The following LRPPRC variants were observed in gnomAD, a reference collection of about 807,000 sequenced individuals.
The protein encoded by LRPPRC is leucine-rich PPR motif-containing protein, mitochondrial.
Under a neutral mutation model 180.3 loss-of-function variants are expected in LRPPRC, and 120 were observed. That is an observed-to-expected ratio of 0.67 (90% CI 0.57 to 0.77). The LOEUF (loss-of-function observed/expected upper bound fraction) is 0.77, where lower values mean the gene tolerates loss of function less well. LRPPRC is among the 30% of genes least tolerant of loss of function. The pLI is 0.00. For synonymous variants in LRPPRC, 723 were observed against 600.0 expected (o/e 1.21, Z -3.00); for missense variants, 2,012 against 1,657.2 (o/e 1.21, Z -3.72).
chr2:43,915,216 TCTCTCTCTCTCTCTCTCACA>T (rs1286478567), intron 29 of LRPPRC, among the ~76,000 whole-genome samples: 1 of 102,530 alleles, frequency 9.8e-6, no homozygotes, highest in East Asian at 3.5e-4. Flanking sequence ...TCTCTCTCTC[TCTCTCTCTCTCTCTCTCACA>T]CACACACACA....
At chr2:43,977,737 T>G (rs1320152931) in intron 3 of LRPPRC, among the ~76,000 whole-genome samples, 1 of 152,186 alleles carries the variant, frequency 6.6e-6, no homozygotes, top group Non-Finnish European at 1.5e-5. Context: ...CATTTTCAGC[T>G]GATGAACATG....
intron 14 of LRPPRC, among the ~76,000 whole-genome samples, chr2:43,953,357 T>C (rs547343588): frequency 6.6e-6 from 1 of 152,188 alleles, no homozygotes; most frequent in Non-Finnish European, 1.5e-5. Context: ...ATAAGAAAAA[T>C]TAACCAATGG....
chr2:43,961,884 C>T (rs1673361542), intron 12 of LRPPRC, among the ~76,000 whole-genome samples: 1 of 152,012 alleles, frequency 6.6e-6, no homozygotes, highest in African/African-American at 2.4e-5. Context: ...TCGCTTGAAC[C>T]GGTAGGCAGA....
intron 11 of LRPPRC, among the ~76,000 whole-genome samples, chr2:43,968,275 C>T (rs1380446757): frequency 6.6e-6 from 1 of 152,304 alleles, no homozygotes; most frequent in Non-Finnish European, 1.5e-5. Flanking sequence ...TACACATATT[C>T]CTTTGCTAAA....
At chr2:43,915,510 C>A (rs1203130020) in intron 29 of LRPPRC, among the ~76,000 whole-genome samples, 1 of 151,680 alleles carries the variant, frequency 6.6e-6, no homozygotes, top group Non-Finnish European at 1.5e-5. Flanking sequence ...ATGGGGAAAC[C>A]CTGTCTCTAC....
chr2:43,912,377 T>C (rs980013533), intron 30 of LRPPRC, 55 bp downstream of exon 30: 2 of 1,503,478 alleles, frequency 1.3e-6, no homozygotes, highest in East Asian at 4.5e-5. Context: ...TATTGGCTAA[T>C]GGCAGCCAAT....
rs752173897 is a variant in LRPPRC at position 43,886,319 on chromosome 2, T to C, written c.*2281A>G. On this transcript the variant is annotated 3_prime_UTR_variant, in exon 38 of 38. Coordinates refer to ENST00000260665, the MANE Select transcript of LRPPRC (RefSeq NM_133259.4). ...AATTATATATAAAATACTATAGTTC[T>C]CAATAGTTTACAGTGACATCTTTTT... Among the ~76,000 whole-genome samples the C allele has an allele frequency of 1.3e-5, 2 of 152,218 alleles. No individual in the cohort carries two copies. The highest frequency in any genetic ancestry group is 2.9e-5 in the Non-Finnish European group (2 of 68,048).
intron 11 of LRPPRC, among the ~76,000 whole-genome samples, chr2:43,969,156 T>C (rs1406264214): frequency 6.6e-6 from 1 of 152,214 alleles, no homozygotes; most frequent in Non-Finnish European, 1.5e-5. Flanking sequence ...CTCACGCCTG[T>C]AATCCCAGCA....
At chr2:43,893,617 G>A (rs1188596305) in intron 36 of LRPPRC, among the ~76,000 whole-genome samples, 4 of 152,098 alleles carry the variant, frequency 2.6e-5, no homozygotes, top group African/African-American at 9.7e-5. Context: ...CTACACTATG[G>A]TGTAAACATA....
At chr2:43,912,351 A>C in intron 30 of LRPPRC, 81 bp downstream of exon 30, 1 of 1,277,048 alleles carries the variant, frequency 7.8e-7, no homozygotes, top group South Asian at 1.2e-5. Flanking sequence ...ACTACACAGC[A>C]CATTACTATT....
rs1014980034 is a variant in LRPPRC at position 43,901,251 on chromosome 2, A to C, written c.3569+69T>G. On this transcript the variant is annotated intron_variant, in intron 32 of 37. Coordinates refer to ENST00000260665, the MANE Select transcript of LRPPRC (RefSeq NM_133259.4). Reference sequence around the variant, plus strand: ...TTCCACATGTCTAAAAAAGTTTTTAAAAGGTGGTATCTGAGGCAATGCCCA... The same window carrying C: ...TTCCACATGTCTAAAAAAGTTTTTACAAGGTGGTATCTGAGGCAATGCCCA... 65 of 1,301,980 alleles carry C rather than the reference A, an allele frequency of 5.0e-5. No individual in the cohort carries two copies. The African/African-American group carries it at 6.7e-4, about 13-fold the overall frequency. The allele number at this position is 1,301,980 out of a possible 1,614,324, so 80.7% of individuals were successfully genotyped here. A position where few individuals can be genotyped will look rare whatever the true frequency, so the allele number is the denominator to read the frequency against.
In LRPPRC at chr2:43,963,831, C is replaced by G. The variant is rs1397658494; in HGVS notation, c.1370-125G>C. The G allele has an allele frequency of 8.1e-6, 6 of 741,716 alleles. No homozygotes were observed. The East Asian group carries it at 1.5e-4, about 18-fold the overall frequency. The allele number at this position is 741,716 out of a possible 1,614,324, so 45.9% of individuals were successfully genotyped here. ...GAAAATTACTCAGCAATTCGTTTGT[C>G]TAAAAGGCAGAAAAGAAACACTGTG... On this transcript the variant is annotated intron_variant, in intron 11 of 37. Coordinates refer to ENST00000260665, the MANE Select transcript of LRPPRC (RefSeq NM_133259.4).
chr2:43,938,041 GC>G (rs1403172696), intron 23 of LRPPRC, among the ~76,000 whole-genome samples: 11 of 152,010 alleles, frequency 7.2e-5, no homozygotes. Flanking sequence ...AAAACTTTGA[GC>G]CCATGCTTGT....
intron 23 of LRPPRC, among the ~76,000 whole-genome samples, chr2:43,937,614 G>C (rs1672322762): frequency 6.6e-6 from 1 of 152,158 alleles, no homozygotes; most frequent in African/African-American, 2.4e-5. Flanking sequence ...GAGTACTTAT[G>C]CTACTCAGCT....
At position 43,894,633 on chromosome 2, in the gene LRPPRC, G is replaced by A. The variant is rs200485504; in HGVS notation, c.3901-4C>T. 2.1e-6 allele frequency: 3 copies of A among 1,453,280 alleles called. No homozygotes were observed. Among genetic ancestry groups the A allele is most frequent in the East Asian group, 2.3e-5 (1 of 43,940 alleles). The allele number at this position is 1,453,280 out of a possible 1,614,324, so 90.0% of individuals were successfully genotyped here. On this transcript the variant is annotated splice_polypyrimidine_tract_variant and splice_region_variant and intron_variant, in intron 35 of 37. Coordinates refer to ENST00000260665, the MANE Select transcript of LRPPRC (RefSeq NM_133259.4). The stretch of plus-strand genomic sequence containing the variant: ...ACACAGATTTCACAGTTGATGCCTA[G>A]GAAATTACATAAAGGTAATATTATG...
chr2:43,963,801 T>A (rs1053446730), intron 11 of LRPPRC, 95 bp from the exon 12 acceptor site: 1 of 790,882 alleles, frequency 1.3e-6, no homozygotes, highest in Non-Finnish European at 2.3e-6. Context: ...TGAATCACAG[T>A]ATAAGAAAAT....
chr2:43,926,059 C>G (rs1269645956), intron 25 of LRPPRC, 98 bp from the exon 26 acceptor site: 1 of 726,480 alleles, frequency 1.4e-6, no homozygotes, highest in African/African-American at 1.8e-5. Context: ...AATTTGCTGC[C>G]AAATATATAT....
At chr2:43,890,948 C>G (rs562093640) in intron 36 of LRPPRC, among the ~76,000 whole-genome samples, 1 of 152,144 alleles carries the variant, frequency 6.6e-6, no homozygotes, top group African/African-American at 2.4e-5. Flanking sequence ...ATCACATAAA[C>G]CCCTGCCCTA....
At chr2:43,943,963 G>C in intron 22 of LRPPRC, 69 bp from the exon 23 acceptor site, 1 of 1,065,416 alleles carries the variant, frequency 9.4e-7, no homozygotes, top group East Asian at 2.4e-5. Flanking sequence ...TATTAAAACA[G>C]CATTTCAAGC....
Sources: gnomAD v4.1 joint callset for allele counts (sites outside exome capture counted in the v4.1 genomes callset) on GRCh38, gnomAD v4.1.1 for gene constraint, MANE v1.5 for transcripts, NCBI Gene and HGNC (gene_info 2026-07-23, HGNC 2026-07-21) for gene names.